TGM2: variants seen among roughly 807,000 people sequenced by gnomAD.
TGM2 encodes the protein protein-glutamine gamma-glutamyltransferase 2.
In TGM2, 53 loss-of-function variants were observed where a neutral mutation model predicts 75.6. The observed-to-expected ratio is 0.70, with a 90% CI of 0.56 to 0.88. The LOEUF is 0.88. Ranked by LOEUF, TGM2 falls within the 40% of genes least tolerant of loss-of-function variation. The probability of loss-of-function intolerance (pLI) is 0.00; values close to 1 mark genes in which losing one functional copy is unlikely to be tolerated. For synonymous variants in TGM2, 374 were observed against 381.1 expected (o/e 0.98, Z 0.22); for missense variants, 842 against 928.5 (o/e 0.91, Z 1.21).
chr20:38,161,396 T>G (rs759511979), intron 2 of TGM2, 24 bp downstream of exon 2: 6 of 1,610,688 alleles, frequency 3.7e-6, no homozygotes, highest in Non-Finnish European at 5.1e-6. Flanking sequence ...GTGGTGGTGG[T>G]GGAGTGGGGT....
chr20:38,135,242 C>G (rs1218187929), intron 10 of TGM2, among the ~76,000 whole-genome samples: 1 of 152,198 alleles, frequency 6.6e-6, no homozygotes, highest in Non-Finnish European at 1.5e-5. Flanking sequence ...GCCACTCATT[C>G]TAGGACAGAC....
In TGM2 at chr20:38,148,009, G is replaced by A; in HGVS notation, c.633C>T (p.Cys211=). 1 of 1,610,188 alleles carries A rather than the reference G, an allele frequency of 6.2e-7. No individual in the cohort carries two copies. The highest frequency in any genetic ancestry group is 8.5e-7 in the Non-Finnish European group (1 of 1,178,364). The part of the protein sequence containing the change: ...PKFLKNAGRD[C]SRRSSPVYVG... Reference sequence around the variant, plus strand: ...CGTAGACGGGGCTGCTGCGGCGGGAGCAGTCACGGCCGGCGTTCTTCAGGA... The same window carrying A: ...CGTAGACGGGGCTGCTGCGGCGGGAACAGTCACGGCCGGCGTTCTTCAGGA... Residue 211 remains cysteine (C), a synonymous_variant, in exon 5 of 13, where the codon TGC becomes TGT. Coordinates refer to ENST00000361475, the MANE Select transcript of TGM2 (RefSeq NM_004613.4).
At chr20:38,142,814 G>T (rs1666668251) in intron 6 of TGM2, among the ~76,000 whole-genome samples, 1 of 152,218 alleles carries the variant, frequency 6.6e-6, no homozygotes, top group African/African-American at 2.4e-5. Context: ...ATGGCCCTTG[G>T]CCCTGCAGGG....
At chr20:38,166,652 G>A (rs1408758601), upstream of TGM2, 1 of 152,212 alleles carries the variant, frequency 6.6e-6, no homozygotes, top group Non-Finnish European at 1.5e-5. Context: ...TACATCTATT[G>A]ATGAATTTGG....
At chr20:38,134,953 C>A (rs2074880395) in intron 10 of TGM2, among the ~76,000 whole-genome samples, 1 of 152,212 alleles carries the variant, frequency 6.6e-6, no homozygotes, top group Non-Finnish European at 1.5e-5. Flanking sequence ...ACCAGCCTCA[C>A]TTTCCAGCCA....
At position 38,161,410 on chromosome 20, in the gene TGM2, A is replaced by C. The variant is rs775582329; in HGVS notation, c.190+10T>G. 6.2e-7 allele frequency: 1 copy of C among 1,613,674 alleles called. No individual in the cohort carries two copies. The highest frequency in any genetic ancestry group is 1.3e-5 in the African/African-American group (1 of 75,026). ...GGTGGTGGTGGTGGAGTGGGGTTGC[A>C]GGTACTCACCGGTCACGACACTGAA... On this transcript the variant is annotated intron_variant, in intron 2 of 12. Transcript: ENST00000361475.
chr20:38,135,164 C>T (rs1332685731), intron 10 of TGM2, among the ~76,000 whole-genome samples: 1 of 152,218 alleles, frequency 6.6e-6, no homozygotes, highest in Non-Finnish European at 1.5e-5. Context: ...GAGGTGAGGG[C>T]TGACTCCACA....
intron 7 of TGM2, among the ~76,000 whole-genome samples, chr20:38,141,798 A>T (rs564872534): frequency 7.2e-6 from 1 of 138,740 alleles, no homozygotes; most frequent in South Asian, 2.2e-4. Flanking sequence ...TGAATCCTTG[A>T]GTGACAACCT....
chr20:38,154,363 G>A (rs1019604529), intron 3 of TGM2, among the ~76,000 whole-genome samples: 2 of 152,158 alleles, frequency 1.3e-5, no homozygotes, highest in African/African-American at 4.8e-5. Flanking sequence ...TCCCAGGAGG[G>A]GCCTGGCCCA....
chr20:38,142,751 T>C (rs2074991512), intron 6 of TGM2, among the ~76,000 whole-genome samples: 1 of 152,242 alleles, frequency 6.6e-6, no homozygotes. Flanking sequence ...ACTCCTGTGA[T>C]CAATTGTCCT....
rs1354824795 is a variant in TGM2 at position 38,129,613 on chromosome 20, A to G, written c.*606T>C. On this transcript the variant is annotated 3_prime_UTR_variant, in exon 13 of 13. Coordinates refer to ENST00000361475, the MANE Select transcript of TGM2 (RefSeq NM_004613.4). ...ATGGGTTGGAGGCCCCGTGAGCCCC[A>G]GCAAGTGTGGGAGGCACCCAGCACA... is the stretch of plus-strand genomic sequence containing the variant. The G allele has an allele frequency of 6.5e-6, 1 of 153,142 alleles. No homozygotes were observed. Among genetic ancestry groups the G allele is most frequent in the Non-Finnish European group, 1.5e-5 (1 of 68,716 alleles). The allele number at this position is 153,142 out of a possible 1,614,324, so 9.5% of individuals were successfully genotyped here. A position where few individuals can be genotyped will look rare whatever the true frequency, so the allele number is the denominator to read the frequency against.
rs994503198 is a variant in TGM2, at chr20:38,159,700, C to T, written c.190+1720G>A. Among the ~76,000 whole-genome samples the T allele has an allele frequency of 2.6e-5, 4 of 152,322 alleles. No homozygotes were observed. The East Asian group carries it at 5.8e-4, about 22-fold the overall frequency. The stretch of plus-strand genomic sequence containing the variant: ...GGGATGAAAAGCCTCACTCTGCAGT[C>T]GGGGTTTGAAGCCTTCTGTGTCCCT... On this transcript the variant is annotated intron_variant, in intron 2 of 12. Transcript: ENST00000361475.
rs115087369 is a variant in TGM2, at chr20:38,136,276, G to A, written c.1615+1837C>T. ...GCAACACAGACCTGCTTTCTTAGGA[G>A]GGTGAAAGCTGTGCCCCAGACGCCA... On this transcript the variant is annotated intron_variant, in intron 10 of 12. Coordinates refer to ENST00000361475, the MANE Select transcript of TGM2 (RefSeq NM_004613.4). Among the ~76,000 whole-genome samples the A allele has an allele frequency of 5.9e-3, 899 of 152,346 alleles. 9 individuals carry two copies. Among genetic ancestry groups the A allele is most frequent in the African/African-American group, 0.02 (843 of 41,580 alleles).
At position 38,130,065 on chromosome 20, in the gene TGM2, G is replaced by A; in HGVS notation, c.*154C>T. Reference sequence around the variant, plus strand: ...ACCCACAGGCTCAGGAGGCTGAGATGGGCCAGGGGCACATTCCATTTCCGA... The same window carrying A: ...ACCCACAGGCTCAGGAGGCTGAGATAGGCCAGGGGCACATTCCATTTCCGA... On this transcript the variant is annotated 3_prime_UTR_variant, in exon 13 of 13. Coordinates refer to ENST00000361475, the MANE Select transcript of TGM2 (RefSeq NM_004613.4). The A allele has an allele frequency of 1.0e-6, 1 of 975,994 alleles. No individual in the cohort carries two copies. The highest frequency in any genetic ancestry group is 1.5e-6 in the Non-Finnish European group (1 of 660,976). 60.5% of individuals were successfully genotyped at this position (975,994 alleles called of 1,614,324 possible).
At chr20:38,152,139 A>G (rs1360166468) in intron 3 of TGM2, among the ~76,000 whole-genome samples, 1 of 152,074 alleles carries the variant, frequency 6.6e-6, no homozygotes, top group Admixed American at 6.6e-5. Flanking sequence ...TTAAATGTTC[A>G]TTTTTTTCTC....
upstream of TGM2, chr20:38,166,285 A>C (rs2075309242): frequency 2.8e-5 from 2 of 70,178 alleles, no homozygotes; most frequent in Non-Finnish European, 4.6e-5. Context: ...CCACCTATCC[A>C]TCCACTCATC....
At chr20:38,153,385 C>T (rs966902033) in intron 3 of TGM2, among the ~76,000 whole-genome samples, 26 of 151,884 alleles carry the variant, frequency 1.7e-4, no homozygotes, top group Admixed American at 5.2e-4. Flanking sequence ...ATTAGCCCGG[C>T]GTGGTGGTGC....
chr20:38,143,130 A>C (rs2074996468), intron 6 of TGM2, among the ~76,000 whole-genome samples: 1 of 152,124 alleles, frequency 6.6e-6, no homozygotes, highest in South Asian at 2.1e-4. Flanking sequence ...GGGATGAAGG[A>C]GTGGAGGAAG....
intron 1 of TGM2, among the ~76,000 whole-genome samples, chr20:38,162,593 A>T (rs2075267368): frequency 6.6e-6 from 1 of 152,258 alleles, no homozygotes. Flanking sequence ...ATCTATTTGG[A>T]TCTTGATTTC....
Sources: gnomAD v4.1 joint callset for allele counts (sites outside exome capture counted in the v4.1 genomes callset) on GRCh38, gnomAD v4.1.1 for gene constraint, MANE v1.5 for transcripts, NCBI Gene and HGNC (gene_info 2026-07-23, HGNC 2026-07-21) for gene names.